BCAS3: variants seen among roughly 807,000 people sequenced by gnomAD.
The protein encoded by BCAS3 is BCAS3 microtubule associated cell migration factor, also known as BCAS4/BCAS3 fusion.
Under a neutral mutation model 116.1 loss-of-function variants are expected in BCAS3, and 53 were observed. The ratio of observed to expected loss-of-function variants is 0.46; its 90% CI spans 0.37 to 0.57. The LOEUF is 0.57. Ranked by LOEUF, BCAS3 falls within the 20% of genes least tolerant of loss-of-function variation. BCAS3 has a pLI of 0.00. For missense variants in BCAS3, 917 were observed against 1,165.4 expected (o/e 0.79, Z 3.10); for synonymous variants, 391 against 408.2 (o/e 0.96, Z 0.51).
chr17:60,810,203 AC>A, intron 7 of BCAS3: 2 of 428,262 alleles, frequency 4.7e-6, no homozygotes, highest in South Asian at 2.1e-5. Context: ...CCACCAAACT[AC>A]CAGTCTCTGG....
At chr17:60,681,109 A>G (rs1240083157) in intron 2 of BCAS3, among the ~76,000 whole-genome samples, 3 of 151,996 alleles carry the variant, frequency 2.0e-5, no homozygotes, top group Non-Finnish European at 4.4e-5. Context: ...GGAGGCTGAG[A>G]TGGGAGGATC....
rs191079596 is a variant in BCAS3, at chr17:61,134,822, A to G, written c.2425+50258A>G. Among the ~76,000 whole-genome samples the G allele has an allele frequency of 3.5e-3, 527 of 152,318 alleles. 4 individuals are homozygous for G. The highest frequency in any genetic ancestry group is 0.012 in the African/African-American group (511 of 41,580). On this transcript the variant is annotated intron_variant, in intron 22 of 23. Transcript: ENST00000407086. The surrounding 1 kb of genome is among the most constrained non-coding windows in gnomAD (Gnocchi z 4.6). The stretch of plus-strand genomic sequence containing the variant: ...GAATTATTCATGAAGAGTCAGCCAC[A>G]TCAAAGATCCAAAACACGGGTTTTA...
chr17:60,810,248 C>A, intron 7 of BCAS3: 1 of 435,378 alleles, frequency 2.3e-6, no homozygotes, highest in South Asian at 1.9e-5. Context: ...GGCACCCAGC[C>A]AGTCAGCAGT....
rs1289399546 is a variant in BCAS3, at chr17:61,199,627, G to A, written c.2425+115063G>A. 1.3e-5 allele frequency among the ~76,000 whole-genome samples: 2 copies of A among 152,120 alleles called. No homozygotes were observed. Among genetic ancestry groups the A allele is most frequent in the East Asian group, 1.9e-4 (1 of 5,200 alleles). The stretch of plus-strand genomic sequence containing the variant: ...GTTATTCAAGAAATACTTGCAAGGT[G>A]GACAATGTTAACTTTGAACAGTGAA... On this transcript the variant is annotated intron_variant, in intron 22 of 23. Coordinates refer to ENST00000407086, the MANE Select transcript of BCAS3 (RefSeq NM_017679.5). This position sits in a 1 kb window ranked among gnomAD's most constrained non-coding sequence, Gnocchi z 4.6.
At chr17:60,986,160 A>T (rs1440276855) in intron 14 of BCAS3, among the ~76,000 whole-genome samples, 1 of 152,246 alleles carries the variant, frequency 6.6e-6, no homozygotes, top group East Asian at 1.9e-4. Context: ...GTTGCAAATG[A>T]CAGGATATTA....
intron 14 of BCAS3, among the ~76,000 whole-genome samples, chr17:60,980,065 G>A (rs2062696611): frequency 6.6e-6 from 1 of 152,126 alleles, no homozygotes; most frequent in African/African-American, 2.4e-5. Flanking sequence ...AGTTTCAGAG[G>A]GAATGGTACC....
chr17:61,306,206 C>A (rs895835452), intron 22 of BCAS3, among the ~76,000 whole-genome samples: 6 of 152,220 alleles, frequency 3.9e-5, no homozygotes, highest in Non-Finnish European at 7.3e-5. Flanking sequence ...TTGTTGGCAA[C>A]AGTGTGATCT....
At chr17:61,301,623 T>C (rs762345108) in intron 22 of BCAS3, among the ~76,000 whole-genome samples, 7 of 152,138 alleles carry the variant, frequency 4.6e-5, no homozygotes, top group Non-Finnish European at 8.8e-5. Context: ...AGTGAGAGAC[T>C]CTGTCTCAAA....
At position 61,388,792 on chromosome 17, in the gene BCAS3, C is replaced by T; in HGVS notation, c.2594-3185C>T. 4 of 1,266,898 alleles carry T rather than the reference C, an allele frequency of 3.2e-6. No homozygotes were observed. Among genetic ancestry groups the T allele is most frequent in the Non-Finnish European group, 3.3e-6 (3 of 912,478 alleles). The allele number at this position is 1,266,898 out of a possible 1,614,324, so 78.5% of individuals were successfully genotyped here. Reference sequence around the variant, plus strand: ...TGGAGGGGGGAATCTGAGCAGCCCTCCTCCCCTCCACTTCCCACACACACC... The same window carrying T: ...TGGAGGGGGGAATCTGAGCAGCCCTTCTCCCCTCCACTTCCCACACACACC... On this transcript the variant is annotated intron_variant, in intron 23 of 23. Coordinates refer to ENST00000407086, the MANE Select transcript of BCAS3 (RefSeq NM_017679.5). This position sits in a 1 kb window ranked among gnomAD's most constrained non-coding sequence, Gnocchi z 6.5.
intron 22 of BCAS3, among the ~76,000 whole-genome samples, chr17:61,240,113 G>A (rs1602120789): frequency 1.3e-5 from 2 of 152,162 alleles, no homozygotes; most frequent in East Asian, 3.9e-4. Context: ...CTCAACAGCA[G>A]CAGCAGCAGC....
At chr17:61,197,848 T>C (rs1329771372) in intron 22 of BCAS3, among the ~76,000 whole-genome samples, 3 of 152,212 alleles carry the variant, frequency 2.0e-5, no homozygotes, top group African/African-American at 4.8e-5. Context: ...TGTGGCCCTA[T>C]AGTATCAAAA....
intron 15 of BCAS3, among the ~76,000 whole-genome samples, chr17:61,000,209 C>T (rs1424366950): frequency 6.6e-6 from 1 of 151,994 alleles, no homozygotes; most frequent in East Asian, 1.9e-4. Flanking sequence ...TGTCTTGTTC[C>T]AGTTCTTGAG....
chr17:60,721,230 A>T (rs901792132), intron 5 of BCAS3, among the ~76,000 whole-genome samples: 2 of 152,094 alleles, frequency 1.3e-5, no homozygotes, highest in African/African-American at 4.8e-5. Flanking sequence ...TTGAATATGG[A>T]TGAAGTCCAG....
chr17:60,969,657 A>G (rs1364756779), intron 14 of BCAS3, among the ~76,000 whole-genome samples: 1 of 152,246 alleles, frequency 6.6e-6, no homozygotes, highest in African/African-American at 2.4e-5. Context: ...GTTGAAAGAC[A>G]TACATTTACA....
At chr17:60,931,850 A>G (rs558288321) in intron 13 of BCAS3, among the ~76,000 whole-genome samples, 2 of 152,246 alleles carry the variant, frequency 1.3e-5, no homozygotes, top group East Asian at 1.9e-4. Context: ...AGGCAGGTGG[A>G]TAGCTTGAGC....
rs2058559449 is a variant in BCAS3, at chr17:61,363,424, G to A, written c.2426-4903G>A. Among the ~76,000 whole-genome samples, 1 of 152,132 alleles carries A rather than the reference G, an allele frequency of 6.6e-6. No homozygotes were observed. The highest frequency in any genetic ancestry group is 1.5e-5 in the Non-Finnish European group (1 of 68,034). On this transcript the variant is annotated intron_variant, in intron 22 of 23. Coordinates refer to ENST00000407086, the MANE Select transcript of BCAS3 (RefSeq NM_017679.5). The surrounding 1 kb of genome is among the most constrained non-coding windows in gnomAD (Gnocchi z 4.9). The stretch of plus-strand genomic sequence containing the variant: ...AGCCCTGAAAGGCAAGAATCCCCAG[G>A]AGATAGCCTGCGAAGACTGTTGCAC...
chr17:60,965,371 G>T (rs145852499), intron 14 of BCAS3, among the ~76,000 whole-genome samples: 5 of 151,480 alleles, frequency 3.3e-5, no homozygotes, highest in African/African-American at 1.2e-4. Flanking sequence ...ATAGGCGCCC[G>T]CCACCACACC....
At chr17:61,375,218 T>TTGTGTGTGTGTGTG (rs59961930) in intron 23 of BCAS3, among the ~76,000 whole-genome samples, 328 of 142,770 alleles carry the variant, frequency 2.3e-3, no homozygotes, top group Admixed American at 4.1e-3. Context: ...AAAGCACTAT[T>TTGTGTGTGTGTGTG]TGTGTGTGTG....
rs2051792123 is a variant in BCAS3 at position 61,286,433 on chromosome 17, C to T, written c.2426-81894C>T. Among the ~76,000 whole-genome samples the T allele has an allele frequency of 6.6e-6, 1 of 152,170 alleles. No individual in the cohort carries two copies. The highest frequency in any genetic ancestry group is 1.9e-4 in the East Asian group (1 of 5,202). On this transcript the variant is annotated intron_variant, in intron 22 of 23. Transcript: ENST00000407086. The surrounding 1 kb of genome is among the most constrained non-coding windows in gnomAD (Gnocchi z 4.8). ...GGTTATTGGGAGGCTGGTAAATGGC[C>T]AGCAGGATAGAAATCCGACGTGGTG...
Sources: gnomAD v4.1 joint callset for allele counts (sites outside exome capture counted in the v4.1 genomes callset) on GRCh38, gnomAD v4.1.1 for gene constraint, Gnocchi (gnomAD v3.1) non-coding constraint, MANE v1.5 for transcripts, NCBI Gene and HGNC (gene_info 2026-07-23, HGNC 2026-07-21) for gene names.